Variants in UNC5D observed in about 807,000 individuals in gnomAD.
The protein encoded by UNC5D is netrin receptor UNC5D.
UNC5D carries 39 observed loss-of-function variants against 105.4 expected under a neutral mutation model. That is an observed-to-expected ratio of 0.37 (90% confidence interval 0.29 to 0.48). The LOEUF is 0.48. UNC5D is among the 20% of genes least tolerant of loss of function. The pLI, the probability that UNC5D is intolerant of heterozygous loss-of-function variation, is 0.98. For synonymous variants in UNC5D, 452 were observed against 450.4 expected (o/e 1.00, Z -0.04); for missense variants, 991 against 1,202.4 (o/e 0.82, Z 2.60).
intron 1 of UNC5D, among the ~76,000 whole-genome samples, chr8:35,381,238 G>T (rs896658855): frequency 4.0e-5 from 6 of 149,324 alleles, no homozygotes; most frequent in Non-Finnish European, 9.0e-5. Context: ...TGTGTAGGTC[G>T]ACTGGGATGA....
chr8:35,358,411 G>A (rs533199460), intron 1 of UNC5D, among the ~76,000 whole-genome samples: 225 of 152,182 alleles, frequency 1.5e-3, no homozygotes, highest in Non-Finnish European at 1.3e-3. Context: ...ACGAAACACC[G>A]CATGTTCTCA....
chr8:35,264,729 C>CAAAAA (rs6150548), intron 1 of UNC5D, among the ~76,000 whole-genome samples: 1 of 142,560 alleles, frequency 7.0e-6, no homozygotes. Flanking sequence ...GACTCTGTCT[C>CAAAAA]AAAAAAAAAA....
At chr8:35,757,642 T>TG (rs1830574641) in intron 13 of UNC5D, among the ~76,000 whole-genome samples, 1 of 152,214 alleles carries the variant, frequency 6.6e-6, no homozygotes, top group East Asian at 1.9e-4. Context: ...GTAAGTTTCC[T>TG]GGTGGCGAGG....
chr8:35,655,991 T>A (rs1823709259), intron 4 of UNC5D, among the ~76,000 whole-genome samples: 1 of 152,192 alleles, frequency 6.6e-6, no homozygotes, highest in South Asian at 2.1e-4. Flanking sequence ...TAATATTAAA[T>A]CTTTCTTTGT....
At chr8:35,561,717 T>C (rs1212040229) in intron 2 of UNC5D, among the ~76,000 whole-genome samples, 1 of 152,170 alleles carries the variant, frequency 6.6e-6, no homozygotes, top group African/African-American at 2.4e-5. Flanking sequence ...GTGAAAAACA[T>C]GAAAGTGCTT....
rs76669833 is a variant in UNC5D at position 35,646,040 on chromosome 8, C to T, written c.571-37507C>T. 1.3e-3 allele frequency among the ~76,000 whole-genome samples: 193 copies of T among 151,998 alleles called. 2 individuals carry two copies. In the East Asian group the frequency reaches 0.034, roughly 27 times the overall value. Reference sequence around the variant, plus strand: ...AACCCAGGAAGTGATGTAAATGATGCGAAAATAATCAACCAAAGAAATGGA... The same window carrying T: ...AACCCAGGAAGTGATGTAAATGATGTGAAAATAATCAACCAAAGAAATGGA... On this transcript the variant is annotated intron_variant, in intron 4 of 16. Transcript: ENST00000404895.
intron 1 of UNC5D, among the ~76,000 whole-genome samples, chr8:35,456,288 C>A (rs1224961071): frequency 6.6e-6 from 1 of 152,048 alleles, no homozygotes; most frequent in Admixed American, 6.5e-5. Context: ...TTAAAATCAC[C>A]TGGAGGGCTT....
chr8:35,526,256 A>T (rs1458154064), intron 1 of UNC5D, among the ~76,000 whole-genome samples: 1 of 152,154 alleles, frequency 6.6e-6, no homozygotes, highest in African/African-American at 2.4e-5. Context: ...GTCCACATTT[A>T]TCTTGAAGGC....
intron 3 of UNC5D, among the ~76,000 whole-genome samples, chr8:35,580,990 A>G (rs1316494649): frequency 6.6e-6 from 1 of 152,182 alleles, no homozygotes; most frequent in Non-Finnish European, 1.5e-5. Flanking sequence ...GGGACCAACT[A>G]TTCAGTTTTG....
At chr8:35,533,627 C>T (rs1317173388) in intron 1 of UNC5D, among the ~76,000 whole-genome samples, 1 of 152,212 alleles carries the variant, frequency 6.6e-6, no homozygotes, top group Admixed American at 6.5e-5. Flanking sequence ...TGGACAATGG[C>T]GGGCGCCCCT....
At chr8:35,270,291 T>A (rs1805190963) in intron 1 of UNC5D, among the ~76,000 whole-genome samples, 1 of 152,186 alleles carries the variant, frequency 6.6e-6, no homozygotes, top group Admixed American at 6.5e-5. Context: ...GGGCTTTCGA[T>A]AGAAGATTGC....
chr8:35,365,694 C>A (rs1284805135), intron 1 of UNC5D, among the ~76,000 whole-genome samples: 1 of 147,196 alleles, frequency 6.8e-6, no homozygotes, highest in Non-Finnish European at 1.5e-5. Flanking sequence ...GGTATAATTT[C>A]TGTAGATACC....
chr8:35,721,421 G>A (rs1243135072), intron 8 of UNC5D: 21 of 702,580 alleles, frequency 3.0e-5, no homozygotes, highest in South Asian at 7.4e-5. Context: ...TCAAACTAAC[G>A]CTTTTATTTT....
chr8:35,776,791 T>C (rs1213129633), intron 16 of UNC5D, among the ~76,000 whole-genome samples: 2 of 152,180 alleles, frequency 1.3e-5, no homozygotes, highest in African/African-American at 4.8e-5. Context: ...CAAATCACAA[T>C]AGCACAAATA....
intron 1 of UNC5D, among the ~76,000 whole-genome samples, chr8:35,475,880 G>T (rs1475205867): frequency 6.6e-6 from 1 of 151,992 alleles, no homozygotes; most frequent in African/African-American, 2.4e-5. Flanking sequence ...TTCTACTATG[G>T]AACATCTGTG....
intron 1 of UNC5D, among the ~76,000 whole-genome samples, chr8:35,241,184 T>C (rs928555464): frequency 2.6e-5 from 4 of 152,202 alleles, no homozygotes; most frequent in Non-Finnish European, 5.9e-5. Flanking sequence ...TTATAGAAAA[T>C]AGATATTCGT....
intron 12 of UNC5D, among the ~76,000 whole-genome samples, chr8:35,749,036 G>T (rs1830134293): frequency 6.6e-6 from 1 of 152,158 alleles, no homozygotes; most frequent in Non-Finnish European, 1.5e-5. Flanking sequence ...GGCCTCTGTG[G>T]AGTTAGGGAG....
chr8:35,677,045 G>A (rs935720517), intron 4 of UNC5D, among the ~76,000 whole-genome samples: 5 of 150,970 alleles, frequency 3.3e-5, no homozygotes, highest in African/African-American at 1.2e-4. Context: ...GTTCTCTCAT[G>A]GTAATGATAG....
chr8:35,676,700 C>T lies in UNC5D; in HGVS notation c.571-6847C>T, dbSNP rs148441496. Among the ~76,000 whole-genome samples, 398 of 152,180 alleles carry T rather than the reference C, an allele frequency of 2.6e-3. 1 individual carries two copies. The highest frequency in any genetic ancestry group is 4.2e-3 in the Non-Finnish European group (283 of 68,000). ...GTTATGTGCTTGCCAGTCATTTCCA[C>T]GAGAAAGCCATGAGAGTGGGCAGTA... is the stretch of plus-strand genomic sequence containing the variant. On this transcript the variant is annotated intron_variant, in intron 4 of 16. Transcript: ENST00000404895.
Sources: gnomAD v4.1 joint callset for allele counts (sites outside exome capture counted in the v4.1 genomes callset) on GRCh38, gnomAD v4.1.1 for gene constraint, MANE v1.5 for transcripts, NCBI Gene and HGNC (gene_info 2026-07-23, HGNC 2026-07-21) for gene names.